The following EYS variants were observed in gnomAD, a reference collection of about 807,000 sequenced individuals.
EYS encodes protein eyes shut homolog.
In EYS, 250 loss-of-function variants were observed where a neutral mutation model predicts 282.1. The ratio of observed to expected loss-of-function variants is 0.89; its 90% confidence interval spans 0.80 to 0.98. The LOEUF is 0.98. Among genes scored for constraint, EYS ranks in the 50% least tolerant of loss-of-function variants. The pLI is 0.00. For missense variants in EYS, 4,016 were observed against 3,709.0 expected, an observed-to-expected ratio of 1.08 and a Z score of -2.15; for synonymous variants, 1,355 against 1,282.9, an observed-to-expected ratio of 1.06 and a Z score of -1.20.
At chr6:65,154,995 G>C (rs9445478) in intron 12 of EYS, among the ~76,000 whole-genome samples, 18,238 of 151,418 alleles carry the variant, frequency 0.12, 1,436 homozygotes, top group African/African-American at 0.22. Flanking sequence ...GTTTAGAAAG[G>C]AAAATAAGCT....
chr6:64,124,966 G>T (rs1773713403), intron 31 of EYS, among the ~76,000 whole-genome samples: 1 of 152,136 alleles, frequency 6.6e-6, no homozygotes, highest in South Asian at 2.1e-4. Flanking sequence ...GGATGAGATA[G>T]TCCCGTATAA....
chr6:64,231,679 C>T (rs1419342469), intron 30 of EYS, among the ~76,000 whole-genome samples: 1 of 152,092 alleles, frequency 6.6e-6, no homozygotes, highest in Non-Finnish European at 1.5e-5. Flanking sequence ...TTGTGTGTAG[C>T]CTCTACTATT....
At chr6:64,230,025 G>A (rs1006659327) in intron 31 of EYS, among the ~76,000 whole-genome samples, 3 of 152,162 alleles carry the variant, frequency 2.0e-5, no homozygotes, top group African/African-American at 7.2e-5. Context: ...TCTGGCTTTA[G>A]TTGTCTAGCA....
At chr6:65,517,343 A>AAAC (rs1755298870) in intron 2 of EYS, among the ~76,000 whole-genome samples, 1 of 140,622 alleles carries the variant, frequency 7.1e-6, no homozygotes, top group South Asian at 2.4e-4. Context: ...AACAACAACA[A>AAAC]AAAAAAAACA....
At chr6:64,238,336 C>G (rs988663711) in intron 30 of EYS, among the ~76,000 whole-genome samples, 2 of 152,064 alleles carry the variant, frequency 1.3e-5, no homozygotes, top group Admixed American at 6.6e-5. Flanking sequence ...ACATTCTCTC[C>G]CCCTTGATAG....
intron 31 of EYS, among the ~76,000 whole-genome samples, chr6:64,145,291 G>C (rs547166887): frequency 6.6e-6 from 1 of 152,224 alleles, no homozygotes; most frequent in Admixed American, 6.5e-5. Context: ...TCACTAATTA[G>C]AAGAAAGACT....
intron 28 of EYS, among the ~76,000 whole-genome samples, chr6:64,418,389 T>C (rs1008826468): frequency 1.3e-5 from 2 of 152,230 alleles, no homozygotes; most frequent in Non-Finnish European, 2.9e-5. Context: ...CTATTTCTTA[T>C]AGGGCAGAAA....
intron 35 of EYS, among the ~76,000 whole-genome samples, chr6:63,951,403 A>C (rs1369458029): frequency 6.6e-6 from 1 of 151,876 alleles, no homozygotes; most frequent in African/African-American, 2.4e-5. Context: ...TCTTTTACAC[A>C]TCGAACCCTC....
At chr6:65,694,464 T>C (rs1456961405) in intron 1 of EYS, among the ~76,000 whole-genome samples, 3 of 149,752 alleles carry the variant, frequency 2.0e-5, no homozygotes, top group African/African-American at 4.9e-5. Context: ...CTTCTTCAGG[T>C]ATATTTTTAA....
rs116730371 is a variant in EYS, at chr6:64,044,452, C to A, written c.6725+21886G>T. Among the ~76,000 whole-genome samples the A allele has an allele frequency of 4.7e-3, 709 of 152,208 alleles. 5 individuals are homozygous for A. Among genetic ancestry groups the A allele is most frequent in the African/African-American group, 0.016 (678 of 41,550 alleles). ...GGCTAAAATCAAAATGGCAAAGAGC[C>A]GGGGAGCACTTCAGGTGGAACGTAA... On this transcript the variant is annotated intron_variant, in intron 33 of 42. Coordinates refer to ENST00000503581, the MANE Select transcript of EYS (RefSeq NM_001142800.2).
At chr6:65,462,061 T>C (rs1260259119) in intron 5 of EYS, among the ~76,000 whole-genome samples, 2 of 152,074 alleles carry the variant, frequency 1.3e-5, no homozygotes, top group African/African-American at 4.8e-5. Flanking sequence ...TGTCTTTAAA[T>C]GAGGGAATAT....
Position 65,620,325 on chromosome 6 carries a change from T to C in EYS, c.-333+19453A>G, listed in dbSNP as rs184076220. Among the ~76,000 whole-genome samples the C allele has an allele frequency of 1.2e-3, 188 of 152,332 alleles. 1 individual carries two copies. Among genetic ancestry groups the C allele is most frequent in the African/African-American group, 4.2e-3 (176 of 41,580 alleles). On this transcript the variant is annotated intron_variant, in intron 2 of 42. Coordinates refer to ENST00000503581, the MANE Select transcript of EYS (RefSeq NM_001142800.2). ...GGAATTCATCCATTTCTTCTAGATTTTCTAGTTTATTTGCGTAGAGGTGTT... is the reference window on the plus strand; with the variant it reads ...GGAATTCATCCATTTCTTCTAGATTCTCTAGTTTATTTGCGTAGAGGTGTT...
Position 64,288,360 on chromosome 6 carries a change from C to T in EYS, c.6191+18610G>A, listed in dbSNP as rs1292467282. ...CTGGATGCTTATTCCCACAAAAGTT[C>T]AAATTCTGCATTTCCAAAGTGGAAT... On this transcript the variant is annotated intron_variant, in intron 30 of 42. Transcript: ENST00000503581. 2.6e-5 allele frequency among the ~76,000 whole-genome samples: 4 copies of T among 152,190 alleles called. 1 individual carries two copies. The South Asian group carries it at 6.2e-4, about 24-fold the overall frequency.
At chr6:64,750,673 T>G (rs1772717378) in intron 22 of EYS, among the ~76,000 whole-genome samples, 1 of 152,202 alleles carries the variant, frequency 6.6e-6, no homozygotes, top group South Asian at 2.1e-4. Flanking sequence ...GGTTCTTTTC[T>G]TCTACGATGT....
At chr6:63,768,889 C>A (rs1202799728) in intron 40 of EYS, among the ~76,000 whole-genome samples, 1 of 152,038 alleles carries the variant, frequency 6.6e-6, no homozygotes, top group Non-Finnish European at 1.5e-5. Flanking sequence ...TACTACACAG[C>A]CATTGAAAAA....
intron 13 of EYS, among the ~76,000 whole-genome samples, chr6:65,043,608 T>G (rs902283967): frequency 1.3e-5 from 2 of 151,422 alleles, no homozygotes; most frequent in African/African-American, 4.8e-5. Context: ...GAGTTTAACG[T>G]TTTTAGATTT....
chr6:64,617,379 T>TA (rs754232503), intron 24 of EYS, 39 bp downstream of exon 24: 24 of 1,310,400 alleles, frequency 1.8e-5, no homozygotes, highest in South Asian at 2.5e-5. Flanking sequence ...TCAAAGAGAA[T>TA]AAAAAATTAT....
chr6:63,764,139 A>C (rs1458435503), intron 40 of EYS, among the ~76,000 whole-genome samples: 1 of 151,834 alleles, frequency 6.6e-6, no homozygotes, highest in Non-Finnish European at 1.5e-5. Context: ...CAGTCTAAAA[A>C]GCGCATTCTA....
At chr6:65,283,037 T>A (rs1415203603) in intron 12 of EYS, among the ~76,000 whole-genome samples, 4 of 152,024 alleles carry the variant, frequency 2.6e-5, no homozygotes, top group Non-Finnish European at 5.9e-5. Context: ...TATATGTTAT[T>A]AGACATGTCT....
Sources: gnomAD v4.1 joint callset for allele counts (sites outside exome capture counted in the v4.1 genomes callset) on GRCh38, gnomAD v4.1.1 for gene constraint, MANE v1.5 for transcripts, NCBI Gene and HGNC (gene_info 2026-07-23, HGNC 2026-07-21) for gene names.